The following SCAPER variants were observed in gnomAD, a reference collection of about 807,000 sequenced individuals.
SCAPER encodes S phase cyclin A-associated protein in the endoplasmic reticulum.
In SCAPER, 98 loss-of-function variants were observed where a neutral mutation model predicts 182.2. The ratio of observed to expected loss-of-function variants is 0.54; its 90% confidence interval spans 0.46 to 0.64. The LOEUF is 0.64. Ranked by LOEUF, SCAPER falls within the 30% of genes least tolerant of loss-of-function variation. The pLI is 0.00. For missense variants in SCAPER, 1,432 were observed against 1,690.0 expected (o/e 0.85, Z 2.68); for synonymous variants, 605 against 564.6 (o/e 1.07, Z -1.01).
intron 27 of SCAPER, among the ~76,000 whole-genome samples, chr15:76,384,484 G>C (rs1444087009): frequency 6.6e-6 from 1 of 152,110 alleles, no homozygotes; most frequent in Admixed American, 6.6e-5. Flanking sequence ...AAGGTTATCA[G>C]AACATCTCCT....
At chr15:76,423,638 T>C (rs1219264873) in intron 26 of SCAPER, among the ~76,000 whole-genome samples, 15 of 152,188 alleles carry the variant, frequency 9.9e-5, no homozygotes, top group Admixed American at 4.6e-4. Flanking sequence ...GCTCTCATCT[T>C]AGTTATTTCT....
At chr15:76,797,869 G>C (rs1264419021) in intron 7 of SCAPER, among the ~76,000 whole-genome samples, 1 of 150,298 alleles carries the variant, frequency 6.7e-6, no homozygotes, top group Non-Finnish European at 1.5e-5. Flanking sequence ...ATCCTGGAGA[G>C]AGTAGCTATC....
At chr15:76,365,028 G>A (rs2041712515) in intron 29 of SCAPER, among the ~76,000 whole-genome samples, 1 of 152,090 alleles carries the variant, frequency 6.6e-6, no homozygotes, top group African/African-American at 2.4e-5. Flanking sequence ...CCCCGAGAAT[G>A]TCAGCAACTT....
chr15:76,620,536 A>T (rs2051934413), intron 22 of SCAPER, among the ~76,000 whole-genome samples: 1 of 152,212 alleles, frequency 6.6e-6, no homozygotes, highest in South Asian at 2.1e-4. Flanking sequence ...CTTTCAGAAC[A>T]ATAATAAATA....
intron 20 of SCAPER, among the ~76,000 whole-genome samples, chr15:76,687,422 C>A (rs886856113): frequency 6.6e-6 from 1 of 152,016 alleles, no homozygotes; most frequent in Non-Finnish European, 1.5e-5. Context: ...AAGAATAGTC[C>A]TCATATTGGC....
At chr15:76,628,740 G>A (rs2052820508) in intron 21 of SCAPER, among the ~76,000 whole-genome samples, 1 of 152,134 alleles carries the variant, frequency 6.6e-6, no homozygotes, top group South Asian at 2.1e-4. Context: ...GCTTATGATT[G>A]TCTTGGCTAT....
In SCAPER at chr15:76,538,266, T is replaced by C. The variant is rs11856905; in HGVS notation, c.2839-33292A>G. On this transcript the variant is annotated intron_variant, in intron 23 of 31. Transcript: ENST00000563290. ...ATGCTGCTATAAAGACACATGCACA[T>C]GTATGTTTATTGTGGCACTATTCAC... Among the ~76,000 whole-genome samples the C allele has an allele frequency of 8.5e-3, 1,269 of 148,898 alleles. 10 individuals are homozygous for C. The highest frequency in any genetic ancestry group is 0.03 in the African/African-American group (1,196 of 40,144).
chr15:76,749,902 T>C (rs1307527912), intron 15 of SCAPER, among the ~76,000 whole-genome samples: 3 of 151,808 alleles, frequency 2.0e-5, no homozygotes, highest in Admixed American at 1.3e-4. Flanking sequence ...TTATATGGAA[T>C]ACAAAGGATC....
At chr15:76,534,606 A>T (rs2043972207) in intron 23 of SCAPER, among the ~76,000 whole-genome samples, 1 of 152,190 alleles carries the variant, frequency 6.6e-6, no homozygotes, top group African/African-American at 2.4e-5. Flanking sequence ...TTGTAATTAT[A>T]ATTTTCTATA....
At chr15:76,751,069 A>G (rs2062058786) in intron 15 of SCAPER, among the ~76,000 whole-genome samples, 1 of 151,758 alleles carries the variant, frequency 6.6e-6, no homozygotes, top group African/African-American at 2.4e-5. Flanking sequence ...ACAAAAATCA[A>G]TTGCATTTCT....
intron 4 of SCAPER, among the ~76,000 whole-genome samples, chr15:76,853,619 C>A (rs2071015710): frequency 6.6e-6 from 1 of 151,530 alleles, no homozygotes; most frequent in African/African-American, 2.4e-5. Context: ...CTCAACATAT[C>A]TTCACGTTAA....
rs2042162848 is a variant in SCAPER, at chr15:76,371,366, C to T, written c.3855+4796G>A. Among the ~76,000 whole-genome samples the T allele has an allele frequency of 2.7e-5, 4 of 150,600 alleles. No homozygotes were observed. The South Asian group carries it at 8.4e-4, about 32-fold the overall frequency. ...ACGGAGTCTTGCTCTGTCACCCAGG[C>T]TGGAGTGCAGTGGCGTGATCTCGGC... On this transcript the variant is annotated intron_variant, in intron 29 of 31. Transcript: ENST00000563290.
intron 20 of SCAPER, among the ~76,000 whole-genome samples, chr15:76,685,286 T>A (rs1427347830): frequency 6.6e-6 from 1 of 151,982 alleles, no homozygotes; most frequent in African/African-American, 2.4e-5. Context: ...GCTACATGTG[T>A]TCACCATTGT....
chr15:76,634,207 T>C (rs554940115), intron 21 of SCAPER, among the ~76,000 whole-genome samples: 2 of 152,314 alleles, frequency 1.3e-5, no homozygotes, highest in South Asian at 4.1e-4. Context: ...AGTCCCTCAC[T>C]GCCTCCCTTG....
At chr15:76,619,024 T>C (rs973291356) in intron 22 of SCAPER, among the ~76,000 whole-genome samples, 1 of 152,176 alleles carries the variant, frequency 6.6e-6, no homozygotes, top group African/African-American at 2.4e-5. Flanking sequence ...TTTGTATTTT[T>C]AGTAAAGATG....
At chr15:76,863,374 A>G (rs1216426204) in intron 2 of SCAPER, among the ~76,000 whole-genome samples, 1 of 152,216 alleles carries the variant, frequency 6.6e-6, no homozygotes, top group Non-Finnish European at 1.5e-5. Flanking sequence ...CCACTGGGCC[A>G]GCCCAAAATC....
intron 23 of SCAPER, among the ~76,000 whole-genome samples, chr15:76,569,838 A>G (rs981899975): frequency 6.6e-6 from 1 of 151,970 alleles, no homozygotes; most frequent in African/African-American, 2.4e-5. Flanking sequence ...TATTACTAAA[A>G]TGTTCAGTTT....
chr15:76,400,294 C>G (rs2044370053), intron 27 of SCAPER, among the ~76,000 whole-genome samples: 1 of 152,194 alleles, frequency 6.6e-6, no homozygotes, highest in South Asian at 2.1e-4. Flanking sequence ...CCTTCCTTGA[C>G]TCTGGTTCTG....
At chr15:76,680,610 T>C (rs942351819) in intron 20 of SCAPER, among the ~76,000 whole-genome samples, 1 of 152,042 alleles carries the variant, frequency 6.6e-6, no homozygotes, top group South Asian at 2.1e-4. Context: ...TATGATTAGA[T>C]AAAGGCCCTT....
Sources: allele counts gnomAD v4.1 joint callset (sites outside exome capture counted in the v4.1 genomes callset), GRCh38; gene constraint gnomAD v4.1.1; transcripts MANE v1.5; gene names NCBI Gene and HGNC (gene_info 2026-07-23, HGNC 2026-07-21).